KLKB1: variants seen among roughly 807,000 people sequenced by gnomAD.
The protein encoded by KLKB1 is plasma kallikrein.
A neutral mutation model predicts 73.6 loss-of-function variants in KLKB1; 58 were observed. That is an observed-to-expected ratio of 0.79 (90% CI 0.64 to 0.98). KLKB1 has a LOEUF of 0.98. KLKB1 is among the 50% of genes least tolerant of loss of function. KLKB1 has a pLI of 0.00. For synonymous variants in KLKB1, 280 were observed against 258.1 expected (o/e 1.08, Z -0.81); for missense variants, 737 against 763.8 (o/e 0.96, Z 0.41).
chr4:186,239,226 T>TA (rs1266883803), intron 6 of KLKB1, among the ~76,000 whole-genome samples: 1 of 131,230 alleles, frequency 7.6e-6, no homozygotes, highest in Non-Finnish European at 1.6e-5. Flanking sequence ...GTGATACTGT[T>TA]AGAGTTATAG....
At chr4:186,223,276 G>A (rs1233431232), upstream of KLKB1, among the ~76,000 whole-genome samples, 1 of 152,190 alleles carries the variant, frequency 6.6e-6, no homozygotes, top group Non-Finnish European at 1.5e-5. Flanking sequence ...CTGCTATAAA[G>A]ACAACCTGAA....
At chr4:186,232,640 G>A (rs1326991650) in intron 3 of KLKB1, among the ~76,000 whole-genome samples, 2 of 152,184 alleles carry the variant, frequency 1.3e-5, no homozygotes, top group Non-Finnish European at 2.9e-5. Flanking sequence ...TCTGAATAAA[G>A]AAACAGATTT....
chr4:186,257,936 TG>T, intron 14 of KLKB1, 84 bp from the exon 15 acceptor site: 1 of 1,162,776 alleles, frequency 8.6e-7, no homozygotes, highest in Non-Finnish European at 1.3e-6. Context: ...TGCTGTGTAG[TG>T]GACTACAGAA....
chr4:186,232,022 G>A lies in KLKB1; in HGVS notation c.59-105G>A, dbSNP rs1188040461. The A allele has an allele frequency of 8.5e-6, 7 of 825,198 alleles. No homozygotes were observed. The East Asian group carries it at 1.3e-4, about 16-fold the overall frequency. 51.1% of individuals were successfully genotyped at this position (825,198 alleles called of 1,614,324 possible). A position where few individuals can be genotyped will look rare whatever the true frequency, so the allele number is the denominator to read the frequency against. ...AGCATAATTAGAGTTGTATTATACA[G>A]GTCTTTGAGTAGTCAGTCAGTGGGA... On this transcript the variant is annotated intron_variant, in intron 2 of 14. Coordinates refer to ENST00000264690, the MANE Select transcript of KLKB1 (RefSeq NM_000892.5).
At chr4:186,221,953 C>T (rs1030134022), upstream of KLKB1, among the ~76,000 whole-genome samples, 1 of 152,162 alleles carries the variant, frequency 6.6e-6, no homozygotes, top group African/African-American at 2.4e-5. Flanking sequence ...ATTTTGGGTA[C>T]ATGTGTATTT....
intron 6 of KLKB1, among the ~76,000 whole-genome samples, chr4:186,247,424 A>C (rs1167891081): frequency 2.0e-5 from 3 of 152,120 alleles, no homozygotes; most frequent in African/African-American, 7.2e-5. Context: ...GGGGGGTCAC[A>C]AGGTGCTCAG....
At chr4:186,234,639 T>C (rs758092533) in intron 4 of KLKB1, among the ~76,000 whole-genome samples, 15 of 152,216 alleles carry the variant, frequency 9.9e-5, no homozygotes, top group Non-Finnish European at 1.8e-4. Flanking sequence ...CTCTGTGATA[T>C]ACCACTAGGC....
At chr4:186,246,466 A>T (rs1037750180) in intron 6 of KLKB1, among the ~76,000 whole-genome samples, 16 of 152,226 alleles carry the variant, frequency 1.1e-4, no homozygotes, top group African/African-American at 3.9e-4. Flanking sequence ...GACAAGAATT[A>T]TCTAGATCTT....
intron 14 of KLKB1, 106 bp from the exon 15 acceptor site, chr4:186,257,915 T>G: frequency 2.0e-6 from 2 of 977,282 alleles, no homozygotes; most frequent in Non-Finnish European, 1.6e-6. Context: ...AAAGTATCTG[T>G]GTGTGTGTGT....
chr4:186,241,663 A>G (rs999599518), intron 6 of KLKB1, among the ~76,000 whole-genome samples: 1 of 152,230 alleles, frequency 6.6e-6, no homozygotes, highest in Non-Finnish European at 1.5e-5. Flanking sequence ...TTTCAAGCCA[A>G]AAGGAGGAAA....
At chr4:186,238,865 TTATAGGAAA>T in intron 6 of KLKB1, among the ~76,000 whole-genome samples, 1 of 151,742 alleles carries the variant, frequency 6.6e-6, no homozygotes, top group Non-Finnish European at 1.5e-5. Flanking sequence ...AGAGCAGCAG[TTATAGGAAA>T]CTAGTACAGT....
Position 186,251,230 on chromosome 4 carries a change from T to C in KLKB1, c.770T>C (p.Leu257Pro). Residue 257 changes from leucine to proline, a missense_variant, in exon 8 of 15, where the codon CTT becomes CCT. Leu to Pro is a moderately conservative substitution (Grantham distance 98, BLOSUM62 -3). Coordinates refer to ENST00000264690, the MANE Select transcript of KLKB1 (RefSeq NM_000892.5). Reference sequence around the variant, plus strand: ...TTTAAAAAAAATAGAAATGTTTGTCTTCTTAAAACATCTGAAAGTGGCACA... The same window carrying C: ...TTTAAAAAAAATAGAAATGTTTGTCCTCTTAAAACATCTGAAAGTGGCACA... ...WKIESQRNVC[L>P]LKTSESGTPS... The C allele has an allele frequency of 6.2e-7, 1 of 1,600,180 alleles. No individual in the cohort carries two copies.
chr4:186,254,290 T>C (rs1235535412), intron 11 of KLKB1, among the ~76,000 whole-genome samples: 1 of 152,250 alleles, frequency 6.6e-6, no homozygotes, highest in East Asian at 1.9e-4. Context: ...AAACTGCTAG[T>C]TTCTTCCCAC....
intron 2 of KLKB1, among the ~76,000 whole-genome samples, chr4:186,220,494 C>A (rs752230874): frequency 2.2e-4 from 33 of 152,186 alleles, no homozygotes; most frequent in Non-Finnish European, 4.1e-4. Flanking sequence ...CATACTCTGG[C>A]TACCACCATT....
At chr4:186,248,271 T>TAA (rs141288175) in intron 6 of KLKB1, among the ~76,000 whole-genome samples, 20 of 142,914 alleles carry the variant, frequency 1.4e-4, no homozygotes, top group African/African-American at 5.1e-4. Context: ...AAAAATAAAA[T>TAA]AAAAAAAAAA....
intron 6 of KLKB1, among the ~76,000 whole-genome samples, chr4:186,246,875 A>G (rs983723371): frequency 3.3e-5 from 5 of 152,218 alleles, no homozygotes; most frequent in African/African-American, 1.2e-4. Flanking sequence ...AGGAAAGACT[A>G]TCTTCCCAAG....
At chr4:186,236,726 T>A in intron 4 of KLKB1, 55 bp from the exon 5 acceptor site, 1 of 1,586,450 alleles carries the variant, frequency 6.3e-7, no homozygotes, top group Non-Finnish European at 8.6e-7. Context: ...GGGTATCTAA[T>A]CTACCTCTAG....
At chr4:186,256,177 A>G in intron 13 of KLKB1, 90 bp downstream of exon 13, 1 of 769,938 alleles carries the variant, frequency 1.3e-6, no homozygotes, top group Non-Finnish European at 2.3e-6. Flanking sequence ...TTCTGTCTGA[A>G]ATTATATCTA....
chr4:186,244,413 C>T (rs759452994), intron 6 of KLKB1, among the ~76,000 whole-genome samples: 7 of 152,036 alleles, frequency 4.6e-5, no homozygotes, highest in East Asian at 1.9e-4. Flanking sequence ...AGAATTATGC[C>T]GAGATAGGTA....
Sources: allele counts gnomAD v4.1 joint callset (sites outside exome capture counted in the v4.1 genomes callset), GRCh38; gene constraint gnomAD v4.1.1; transcripts MANE v1.5; gene names NCBI Gene and HGNC (gene_info 2026-07-23, HGNC 2026-07-21).